FGF14: variants seen among roughly 807,000 people sequenced by gnomAD.
FGF14 encodes the protein fibroblast growth factor 14, also known as fibroblast growth factor homologous factor 4.
Under a neutral mutation model 25.5 loss-of-function variants are expected in FGF14, and 5 were observed. The observed-to-expected ratio is 0.20, with a 90% CI of 0.10 to 0.41. The LOEUF is 0.41. Among genes scored for constraint, FGF14 ranks in the 10% least tolerant of loss-of-function variants. FGF14 has a pLI of 1.00. For missense variants in FGF14, 222 were observed against 320.1 expected (o/e 0.69, Z 2.34); for synonymous variants, 138 against 118.3 (o/e 1.17, Z -1.08).
intron 1 of FGF14, among the ~76,000 whole-genome samples, chr13:102,078,742 C>G (rs1021428250): frequency 1.3e-5 from 2 of 152,140 alleles, no homozygotes; most frequent in African/African-American, 2.4e-5. Context: ...TGAGCCATGA[C>G]GTTGGAAACT....
intron 1 of FGF14, among the ~76,000 whole-genome samples, chr13:102,073,555 C>A (rs1360444616): frequency 6.6e-6 from 1 of 152,202 alleles, no homozygotes; most frequent in Non-Finnish European, 1.5e-5. Context: ...CATATTTCCC[C>A]TTTTGAAGCT....
Position 102,336,153 on chromosome 13 carries a change from G to A in FGF14, c.208+65318C>T, listed in dbSNP as rs114443399. Among the ~76,000 whole-genome samples, 523 of 152,288 alleles carry A rather than the reference G, an allele frequency of 3.4e-3. 2 individuals are homozygous for A. The highest frequency in any genetic ancestry group is 0.012 in the African/African-American group (488 of 41,556). On this transcript the variant is annotated intron_variant, in intron 1 of 4. Transcript: ENST00000376131. ...AGAAATGATTAAGCTTAGTGAGGAA[G>A]GTAGGTTGAAAGCCAAGATGGCTGA...
At chr13:101,869,214 G>A (rs547187988) in intron 2 of FGF14, among the ~76,000 whole-genome samples, 2 of 152,258 alleles carry the variant, frequency 1.3e-5, no homozygotes, top group South Asian at 2.1e-4. Context: ...CTGACCCTTC[G>A]CACAGAAGGT....
chr13:102,368,865 A>G (rs987736690), intron 1 of FGF14, among the ~76,000 whole-genome samples: 1 of 152,178 alleles, frequency 6.6e-6, no homozygotes. Flanking sequence ...TCATCTCTAA[A>G]TTTAATAGCA....
chr13:101,878,494 T>C (rs532515254), intron 1 of FGF14, among the ~76,000 whole-genome samples: 1 of 152,280 alleles, frequency 6.6e-6, no homozygotes, highest in African/African-American at 2.4e-5. Context: ...TATTATCTAG[T>C]TTACCTAAAG....
chr13:102,144,827 C>A (rs1285455899), intron 1 of FGF14, among the ~76,000 whole-genome samples: 1 of 152,106 alleles, frequency 6.6e-6, no homozygotes, highest in Non-Finnish European at 1.5e-5. Context: ...AAATAATTTT[C>A]ATCTAAAAGA....
chr13:102,368,778 G>C (rs908494586), intron 1 of FGF14, among the ~76,000 whole-genome samples: 11 of 152,022 alleles, frequency 7.2e-5, no homozygotes, highest in Non-Finnish European at 1.5e-5. Context: ...TGATATTAAA[G>C]GCCCATAAAT....
intron 1 of FGF14, among the ~76,000 whole-genome samples, chr13:102,024,361 T>A (rs1012091093): frequency 5.9e-5 from 9 of 152,092 alleles, no homozygotes; most frequent in African/African-American, 2.2e-4. Context: ...TATTTGCATT[T>A]CCATAATGAC....
chr13:102,101,760 A>G (rs1045166369), intron 1 of FGF14, among the ~76,000 whole-genome samples: 1 of 152,068 alleles, frequency 6.6e-6, no homozygotes, highest in African/African-American at 2.4e-5. Flanking sequence ...GCTGGAGTAC[A>G]GTGGCATGAT....
chr13:102,028,949 G>A (rs1181728901), intron 1 of FGF14, among the ~76,000 whole-genome samples: 1 of 151,986 alleles, frequency 6.6e-6, no homozygotes, highest in Admixed American at 6.6e-5. Flanking sequence ...TCTCCACAGG[G>A]GAAGGAGCAT....
intron 1 of FGF14, among the ~76,000 whole-genome samples, chr13:101,936,147 A>G (rs1477632470): frequency 2.0e-5 from 3 of 152,140 alleles, no homozygotes; most frequent in African/African-American, 4.8e-5. Context: ...TCTCCCTTCC[A>G]TTGTCCAGAT....
At chr13:102,094,755 A>C (rs1458501122) in intron 1 of FGF14, among the ~76,000 whole-genome samples, 3 of 152,284 alleles carry the variant, frequency 2.0e-5, no homozygotes, top group Non-Finnish European at 4.4e-5. Flanking sequence ...GATTGATTCC[A>C]TCAGTGACTT....
At chr13:102,399,884 T>G (rs990344706) in intron 1 of FGF14, among the ~76,000 whole-genome samples, 11 of 152,084 alleles carry the variant, frequency 7.2e-5, no homozygotes, top group African/African-American at 2.7e-4. Flanking sequence ...CAGAGGCTAC[T>G]ACCAGAGCCT....
chr13:102,076,271 T>C (rs1469504125), intron 1 of FGF14, among the ~76,000 whole-genome samples: 1 of 152,176 alleles, frequency 6.6e-6, no homozygotes, highest in African/African-American at 2.4e-5. Context: ...TAATCTTTTA[T>C]ACCATATTTT....
chr13:102,394,564 G>A (rs565956562), intron 1 of FGF14: 5 of 152,384 alleles, frequency 3.3e-5, no homozygotes, highest in Admixed American at 3.3e-4. Flanking sequence ...AGGGTCAGAG[G>A]TCATCTCCGT....
chr13:101,851,163 T>G (rs1460617532), intron 3 of FGF14, among the ~76,000 whole-genome samples: 3 of 152,016 alleles, frequency 2.0e-5, no homozygotes, highest in Non-Finnish European at 4.4e-5. Flanking sequence ...TAATCCAATA[T>G]GTCTGGTGTC....
intron 1 of FGF14, among the ~76,000 whole-genome samples, chr13:101,982,708 A>C (rs573840044): frequency 6.6e-5 from 10 of 152,340 alleles, no homozygotes; most frequent in Non-Finnish European, 1.3e-4. Flanking sequence ...TTTTGCCTGA[A>C]GTACCCTACG....
chr13:101,855,487 G>C (rs906261558), intron 3 of FGF14, among the ~76,000 whole-genome samples: 1 of 151,916 alleles, frequency 6.6e-6, no homozygotes, highest in African/African-American at 2.4e-5. Flanking sequence ...GATATGAAAA[G>C]TTTCAGCAGA....
intron 4 of FGF14, 35 bp from the exon 5 acceptor site, chr13:101,723,002 C>T (rs1201160072): frequency 1.9e-6 from 3 of 1,612,466 alleles, no homozygotes; most frequent in Non-Finnish European, 2.5e-6. Flanking sequence ...GAAAAGCAAA[C>T]ATTGCTTGGT....
Sources: gnomAD v4.1 joint callset for allele counts (sites outside exome capture counted in the v4.1 genomes callset) on GRCh38, gnomAD v4.1.1 for gene constraint, MANE v1.5 for transcripts, NCBI Gene and HGNC (gene_info 2026-07-23, HGNC 2026-07-21) for gene names.